Variants in CLVS1 observed in about 807,000 individuals in gnomAD.
CLVS1 encodes clavesin 1, also known as clavesin-1.
In CLVS1, 10 loss-of-function variants were observed where a neutral mutation model predicts 33.1. That is an observed-to-expected ratio of 0.30 (90% CI 0.19 to 0.51). CLVS1 has a LOEUF of 0.51. Among genes scored for constraint, CLVS1 ranks in the 20% least tolerant of loss-of-function variants. The pLI is 0.97. For synonymous variants in CLVS1, 163 were observed against 166.1 expected, an observed-to-expected ratio of 0.98 and a Z score of 0.14; for missense variants, 343 against 433.4, an observed-to-expected ratio of 0.79 and a Z score of 1.85.
At chr8:61,021,224 T>C in the CLVS1 span, among the ~76,000 whole-genome samples, 7 of 151,964 alleles carry the variant, frequency 4.6e-5, no homozygotes, top group Non-Finnish European at 1.0e-4. Context: ...AATGGAGGAG[T>C]CGGGCACAAT....
chr8:61,300,457 A>G, intron 2 of CLVS1, 175 bp downstream of exon 2: 1 of 582,276 alleles, frequency 1.7e-6, no homozygotes, highest in African/African-American at 1.9e-5. Context: ...TCCAGATGGA[A>G]CAATAGAATT....
At chr8:61,381,751 G>A (rs1813888609) in intron 3 of CLVS1, among the ~76,000 whole-genome samples, 1 of 152,086 alleles carries the variant, frequency 6.6e-6, no homozygotes, top group Non-Finnish European at 1.5e-5. Context: ...CATCCATGTT[G>A]CTGCAAAGGA....
chr8:61,501,324 C>T lies in CLVS1; in HGVS notation c.*1782C>T, dbSNP rs1804886224. ...GGAGTCAATTATTGACAACACTTTG[C>T]AACAGTAATACCATTTCTAGCTTTT... On this transcript the variant is annotated 3_prime_UTR_variant, in exon 6 of 6. Transcript: ENST00000325897. The T allele has an allele frequency of 6.6e-6, 1 of 152,118 alleles. No individual in the cohort carries two copies. The highest frequency in any genetic ancestry group is 2.1e-4 in the South Asian group (1 of 4,830). 9.4% of individuals were successfully genotyped at this position (152,118 alleles called of 1,614,324 possible). A position where few individuals can be genotyped will look rare whatever the true frequency, so the allele number is the denominator to read the frequency against.
intron 2 of CLVS1, among the ~76,000 whole-genome samples, chr8:61,194,296 T>A (rs966794766): frequency 6.6e-6 from 1 of 152,052 alleles, no homozygotes; most frequent in Non-Finnish European, 1.5e-5. Context: ...ATTTATATGC[T>A]GTTGAAAAAA....
At chr8:61,203,180 G>T (rs185144515) in intron 2 of CLVS1, 1 of 1,131,346 alleles carries the variant, frequency 8.8e-7, no homozygotes, top group African/African-American at 1.5e-5. Context: ...CCGGATGACT[G>T]ACCAAGAGGC....
chr8:61,133,902 T>G (rs1307120011), intron 2 of CLVS1, among the ~76,000 whole-genome samples: 2 of 150,258 alleles, frequency 1.3e-5, no homozygotes, highest in Non-Finnish European at 2.9e-5. Context: ...GGTGACAGAG[T>G]GAATTGTGGT....
chr8:61,045,999 C>G, the CLVS1 span, among the ~76,000 whole-genome samples: 4 of 151,972 alleles, frequency 2.6e-5, no homozygotes, highest in Non-Finnish European at 5.9e-5. Context: ...TTAATTAGAT[C>G]CCATTTGTTA....
intron 1 of CLVS1, among the ~76,000 whole-genome samples, chr8:61,074,348 A>ATG (rs199834190): frequency 0.081 from 9,985 of 123,104 alleles, 653 homozygotes; most frequent in South Asian, 0.23. Flanking sequence ...AAATTTAAAT[A>ATG]TGTGTGTGTG....
intron 2 of CLVS1, among the ~76,000 whole-genome samples, chr8:61,132,355 G>A (rs12546627): frequency 6.6e-6 from 1 of 152,226 alleles, no homozygotes; most frequent in Admixed American, 6.5e-5. Flanking sequence ...AGCTGTGCAT[G>A]CCAGGCCTGG....
chr8:61,057,389 C>T (rs1804494408), intron 1 of CLVS1, among the ~76,000 whole-genome samples: 1 of 150,674 alleles, frequency 6.6e-6, no homozygotes, highest in African/African-American at 2.5e-5. Flanking sequence ...CACACACACA[C>T]ACACACACAC....
intron 5 of CLVS1, among the ~76,000 whole-genome samples, chr8:61,492,236 G>T (rs1312782192): frequency 6.6e-6 from 1 of 152,198 alleles, no homozygotes; most frequent in Non-Finnish European, 1.5e-5. Context: ...AAAATACAGA[G>T]AAACAGGTGA....
At chr8:61,212,775 G>C (rs929511053) in intron 2 of CLVS1, among the ~76,000 whole-genome samples, 3 of 152,148 alleles carry the variant, frequency 2.0e-5, no homozygotes, top group Admixed American at 1.3e-4. Context: ...CTCCTCAGCC[G>C]GGCTGCTGCC....
intron 5 of CLVS1, among the ~76,000 whole-genome samples, chr8:61,496,790 A>AT (rs753850075): frequency 9.9e-5 from 15 of 152,182 alleles, no homozygotes; most frequent in South Asian, 2.1e-4. Flanking sequence ...AACAACAGTG[A>AT]TTTTTATGGT....
the CLVS1 span, among the ~76,000 whole-genome samples, chr8:60,984,067 C>T: frequency 6.6e-6 from 1 of 152,142 alleles, no homozygotes; most frequent in Non-Finnish European, 1.5e-5. Flanking sequence ...CTGACCCTGC[C>T]CCCAGCACCT....
intron 2 of CLVS1, among the ~76,000 whole-genome samples, chr8:61,325,121 A>C (rs991753974): frequency 6.6e-6 from 1 of 151,950 alleles, no homozygotes; most frequent in Admixed American, 6.6e-5. Flanking sequence ...TCTCCTTGGC[A>C]ATTTGTTCTG....
chr8:61,278,906 T>C (rs1809615573), intron 2 of CLVS1, among the ~76,000 whole-genome samples: 1 of 152,152 alleles, frequency 6.6e-6, no homozygotes, highest in Admixed American at 6.5e-5. Context: ...CACTGGTGCA[T>C]TGACAGCACA....
intron 2 of CLVS1, among the ~76,000 whole-genome samples, chr8:61,160,484 T>C (rs2129296515): frequency 6.6e-6 from 1 of 152,310 alleles, no homozygotes; most frequent in African/African-American, 2.4e-5. Context: ...CAGTCAAGAC[T>C]GCAGGAGCAG....
chr8:61,260,262 GAA>G (rs1809172461), intron 2 of CLVS1, among the ~76,000 whole-genome samples: 9 of 152,200 alleles, frequency 5.9e-5, no homozygotes, highest in Admixed American at 5.9e-4. Flanking sequence ...GAGAGTTAGA[GAA>G]AGTGCTCAAG....
chr8:61,245,179 G>A (rs1436535319), intron 2 of CLVS1, among the ~76,000 whole-genome samples: 1 of 151,718 alleles, frequency 6.6e-6, no homozygotes, highest in Admixed American at 6.6e-5. Flanking sequence ...TTTCAACTTT[G>A]AAGTCTCCTT....
Sources: allele counts gnomAD v4.1 joint callset (sites outside exome capture counted in the v4.1 genomes callset), GRCh38; gene constraint gnomAD v4.1.1; transcripts MANE v1.5; gene names NCBI Gene and HGNC (gene_info 2026-07-23, HGNC 2026-07-21).